FSIP1: variants seen among roughly 807,000 people sequenced by gnomAD.
The protein encoded by FSIP1 is fibrous sheath-interacting protein 1.
Under a neutral mutation model 60.9 loss-of-function variants are expected in FSIP1, and 65 were observed. The observed-to-expected ratio is 1.07, with a 90% confidence interval of 0.87 to 1.31. The LOEUF is 1.31. FSIP1 is among the 40% of genes most tolerant of loss of function. The probability of loss-of-function intolerance (pLI) is 0.00; values close to 1 mark genes in which losing one functional copy is unlikely to be tolerated. For missense variants in FSIP1, 675 were observed against 665.5 expected, an observed-to-expected ratio of 1.01 and a Z score of -0.16; for synonymous variants, 209 against 221.2, an observed-to-expected ratio of 0.94 and a Z score of 0.49.
At chr15:39,715,335 CA>C (rs1323120251) in intron 9 of FSIP1, among the ~76,000 whole-genome samples, 1 of 152,096 alleles carries the variant, frequency 6.6e-6, no homozygotes, top group Non-Finnish European at 1.5e-5. Context: ...CCACAAAGGA[CA>C]AATTATTCTC....
At chr15:39,756,525 C>A (rs12916159) in intron 5 of FSIP1, among the ~76,000 whole-genome samples, 1 of 151,720 alleles carries the variant, frequency 6.6e-6, no homozygotes, top group Non-Finnish European at 1.5e-5. Context: ...TTTGTATAGA[C>A]AAGGTCTTGC....
chr15:39,660,413 G>A (rs569049880), intron 10 of FSIP1, among the ~76,000 whole-genome samples: 1 of 152,276 alleles, frequency 6.6e-6, no homozygotes, highest in South Asian at 2.1e-4. Context: ...AAGGGTAGGG[G>A]GAGGAGAGAT....
chr15:39,663,470 C>A (rs1450226947), intron 10 of FSIP1, among the ~76,000 whole-genome samples: 1 of 151,998 alleles, frequency 6.6e-6, no homozygotes, highest in Admixed American at 6.6e-5. Flanking sequence ...AACTCAATAC[C>A]CAGTCCGATT....
intron 8 of FSIP1, 121 bp from the exon 9 acceptor site, chr15:39,726,868 C>CAT: frequency 1.6e-6 from 1 of 631,890 alleles, no homozygotes; most frequent in South Asian, 2.0e-5. Flanking sequence ...CACACACACA[C>CAT]ACACAACACA....
At chr15:39,634,119 C>G (rs1892027160) in intron 10 of FSIP1, among the ~76,000 whole-genome samples, 1 of 152,160 alleles carries the variant, frequency 6.6e-6, no homozygotes, top group Admixed American at 6.5e-5. Context: ...TACTCAAGGT[C>G]ATCGCTTTGG....
intron 10 of FSIP1, among the ~76,000 whole-genome samples, chr15:39,630,815 G>A (rs1016161089): frequency 2.6e-5 from 4 of 152,196 alleles, no homozygotes; most frequent in Non-Finnish European, 5.9e-5. Context: ...GGAGCACCTG[G>A]CAGCAGCATG....
intron 10 of FSIP1, among the ~76,000 whole-genome samples, chr15:39,703,196 G>A (rs1424117995): frequency 1.3e-5 from 2 of 151,994 alleles, no homozygotes; most frequent in Non-Finnish European, 2.9e-5. Flanking sequence ...TGGTCAGGCT[G>A]GTCTCGAACT....
chr15:39,632,337 C>T (rs776956398), intron 10 of FSIP1, among the ~76,000 whole-genome samples: 9 of 152,044 alleles, frequency 5.9e-5, no homozygotes, highest in East Asian at 1.9e-4. Flanking sequence ...CCACCATGCC[C>T]GGCTAATTTT....
chr15:39,683,988 G>A (rs566647171), intron 10 of FSIP1, among the ~76,000 whole-genome samples: 8 of 152,088 alleles, frequency 5.3e-5, no homozygotes, highest in Admixed American at 6.5e-5. Flanking sequence ...TGGACAATTC[G>A]GCATAATAAA....
intron 11 of FSIP1, among the ~76,000 whole-genome samples, chr15:39,615,932 AAC>A (rs1465820616): frequency 2.8e-3 from 422 of 151,740 alleles, no homozygotes; most frequent in African/African-American, 8.9e-3. Flanking sequence ...GTTTCAAAAT[AAC>A]TAAGAGTAAA....
chr15:39,736,978 G>A (rs1243421984), intron 8 of FSIP1, among the ~76,000 whole-genome samples: 5 of 152,152 alleles, frequency 3.3e-5, no homozygotes, highest in Admixed American at 6.5e-5. Flanking sequence ...GGGGACAGCT[G>A]TGCACCCTTA....
intron 9 of FSIP1, among the ~76,000 whole-genome samples, chr15:39,718,779 G>C (rs1247741601): frequency 6.6e-6 from 1 of 152,170 alleles, no homozygotes; most frequent in Non-Finnish European, 1.5e-5. Context: ...TTACAGATGT[G>C]AGCCACTGAT....
chr15:39,778,249 T>TA (rs1898127873), intron 1 of FSIP1, among the ~76,000 whole-genome samples: 3 of 152,178 alleles, frequency 2.0e-5, no homozygotes, highest in African/African-American at 2.4e-5. Context: ...GGAGACTTAT[T>TA]ACAGCTTGCA....
intron 5 of FSIP1, among the ~76,000 whole-genome samples, chr15:39,762,649 C>T (rs923406277): frequency 2.6e-5 from 4 of 152,196 alleles, no homozygotes; most frequent in Admixed American, 1.3e-4. Flanking sequence ...TGACCTCTTA[C>T]ATAATGGCTG....
In FSIP1 at chr15:39,753,868, T is replaced by C. The variant is rs200676176; in HGVS notation, c.559+9953A>G. Among the ~76,000 whole-genome samples the C allele has an allele frequency of 2.3e-4, 35 of 152,174 alleles. No individual in the cohort carries two copies. In the East Asian group the frequency reaches 6.8e-3, roughly 29 times the overall value. On this transcript the variant is annotated intron_variant, in intron 5 of 11. Coordinates refer to ENST00000350221, the MANE Select transcript of FSIP1 (RefSeq NM_152597.5). ...ATGTCTAAAAAGTCACTAACTTTCGTCTATGTCATTAATAACCCTTTATAA... is the reference window on the plus strand; with the variant it reads ...ATGTCTAAAAAGTCACTAACTTTCGCCTATGTCATTAATAACCCTTTATAA...
intron 10 of FSIP1, among the ~76,000 whole-genome samples, chr15:39,672,204 T>A (rs1893747456): frequency 6.6e-6 from 1 of 152,172 alleles, no homozygotes; most frequent in African/African-American, 2.4e-5. Flanking sequence ...GATGAAGGCG[T>A]CAAGATGAAG....
intron 10 of FSIP1, among the ~76,000 whole-genome samples, chr15:39,709,486 C>T (rs1895409620): frequency 1.3e-5 from 2 of 152,298 alleles, no homozygotes; most frequent in Admixed American, 6.5e-5. Context: ...ATTTAGGAAA[C>T]ACAAACTAGT....
At chr15:39,646,520 CAAAAAAAAAAAAAA>C (rs71132108) in intron 10 of FSIP1, among the ~76,000 whole-genome samples, 2 of 27,088 alleles carry the variant, frequency 7.4e-5, no homozygotes, top group Non-Finnish European at 1.6e-4. Context: ...CTCATCTCTA[CAAAAAAAAAAAAAA>C]AAAAAAAAAA....
chr15:39,672,613 T>C (rs546559496), intron 10 of FSIP1, among the ~76,000 whole-genome samples: 186 of 152,192 alleles, frequency 1.2e-3, no homozygotes, highest in Non-Finnish European at 2.5e-3. Flanking sequence ...AAATTAATTA[T>C]ATTTGATGGC....
Sources: allele counts gnomAD v4.1 joint callset (sites outside exome capture counted in the v4.1 genomes callset), GRCh38; gene constraint gnomAD v4.1.1; transcripts MANE v1.5; gene names NCBI Gene and HGNC (gene_info 2026-07-23, HGNC 2026-07-21).